Variants in REXO5 observed in about 807,000 individuals in gnomAD.
The protein encoded by REXO5 is exonuclease NEF-sp.
REXO5 carries 48 observed loss-of-function variants against 88.5 expected under a neutral mutation model. That is an observed-to-expected ratio of 0.54 (90% CI 0.43 to 0.69). The LOEUF (loss-of-function observed/expected upper bound fraction) is 0.69. Among genes scored for constraint, REXO5 ranks in the 30% least tolerant of loss-of-function variants. The pLI is 0.00. For synonymous variants in REXO5, 311 were observed against 336.5 expected (o/e 0.92, Z 0.83); for missense variants, 749 against 912.2 (o/e 0.82, Z 2.30).
At chr16:20,839,371 A>G (rs2152510900) in intron 13 of REXO5, among the ~76,000 whole-genome samples, 1 of 141,280 alleles carries the variant, frequency 7.1e-6, no homozygotes, top group South Asian at 2.2e-4. Flanking sequence ...ATGCCCCTTG[A>G]TTTTTTTTTT....
intron 13 of REXO5, among the ~76,000 whole-genome samples, chr16:20,835,868 C>T (rs557745373): frequency 8.6e-5 from 13 of 151,958 alleles, no homozygotes; most frequent in East Asian, 7.7e-4. Flanking sequence ...GGCAACATGG[C>T]GAAACACTGT....
intron 2 of REXO5, among the ~76,000 whole-genome samples, chr16:20,810,287 A>G (rs1007795906): frequency 2.6e-5 from 4 of 152,214 alleles, no homozygotes; most frequent in African/African-American, 7.2e-5. Flanking sequence ...AAGTGTATAC[A>G]CACACACATA....
rs1051237702 is a variant in REXO5, at chr16:20,828,646, G to A, written c.1158+109G>A. On this transcript the variant is annotated intron_variant, in intron 11 of 19. Transcript: ENST00000261377. ...TCTATTTTTATGAAAATGGCAGTGT[G>A]GGCCAGGTGCAGTGGCTCATGCCTG... 4.4e-5 allele frequency: 34 copies of A among 778,910 alleles called. No individual in the cohort carries two copies. The African/African-American group carries it at 4.8e-4, about 11-fold the overall frequency. 48.2% of individuals were successfully genotyped at this position (778,910 alleles called of 1,614,324 possible).
chr16:20,827,970 A>G (rs551698079), intron 10 of REXO5, among the ~76,000 whole-genome samples: 53 of 152,336 alleles, frequency 3.5e-4, no homozygotes, highest in African/African-American at 1.3e-3. Flanking sequence ...TATATGCCTC[A>G]ATATTTATAT....
chr16:20,815,424 A>G (rs563949619), intron 4 of REXO5, among the ~76,000 whole-genome samples: 6 of 152,340 alleles, frequency 3.9e-5, no homozygotes, highest in Non-Finnish European at 8.8e-5. Flanking sequence ...ATCTTTAAAA[A>G]GAGGCACCTG....
chr16:20,827,482 C>T (rs751910035), intron 10 of REXO5, 35 bp downstream of exon 10: 19 of 1,460,578 alleles, frequency 1.3e-5, no homozygotes, highest in Non-Finnish European at 1.5e-5. Context: ...ATTGTTCTGA[C>T]AAACTGCATA....
chr16:20,830,990 GTTTTTTTTTTTT>G (rs11337519), intron 11 of REXO5, among the ~76,000 whole-genome samples: 1 of 97,076 alleles, frequency 1.0e-5, no homozygotes, highest in Admixed American at 1.3e-4. Context: ...TTCTTTTTCT[GTTTTTTTTTTTT>G]TTTTTTTTTT....
chr16:20,848,708 G>C (rs2081648553), intron 19 of REXO5, among the ~76,000 whole-genome samples: 1 of 152,182 alleles, frequency 6.6e-6, no homozygotes, highest in African/African-American at 2.4e-5. Flanking sequence ...TTCATTACAA[G>C]GTGGCAGGGA....
chr16:20,814,444 G>A (rs898839485), intron 3 of REXO5, among the ~76,000 whole-genome samples: 5 of 152,108 alleles, frequency 3.3e-5, no homozygotes, highest in Admixed American at 3.3e-4. Context: ...GTTTCGCCAT[G>A]TTGCCCAGGT....
intron 5 of REXO5, 113 bp downstream of exon 5, chr16:20,816,325 A>T: frequency 6.0e-6 from 3 of 502,746 alleles, no homozygotes; most frequent in Admixed American, 3.9e-5. Context: ...CACAAAAACA[A>T]TTTTTTTTTT....
At chr16:20,830,482 CA>C (rs1227893870) in intron 11 of REXO5, among the ~76,000 whole-genome samples, 1 of 152,050 alleles carries the variant, frequency 6.6e-6, no homozygotes, top group Admixed American at 6.6e-5. Flanking sequence ...AGGCATGAGT[CA>C]CTGTGCCTGG....
At chr16:20,834,408 C>T (rs2081393130) in intron 13 of REXO5, among the ~76,000 whole-genome samples, 1 of 152,206 alleles carries the variant, frequency 6.6e-6, no homozygotes, top group African/African-American at 2.4e-5. Context: ...CCTGGGATTA[C>T]AGGTGTGAGC....
At chr16:20,807,576 C>A (rs2080910741) in intron 2 of REXO5, among the ~76,000 whole-genome samples, 2 of 126,842 alleles carry the variant, frequency 1.6e-5, no homozygotes, top group South Asian at 2.5e-4. Flanking sequence ...AGAAAGAAAT[C>A]ACGTCTCAGA....
At position 20,806,630 on chromosome 16, in the gene REXO5, G is replaced by A. The variant is rs1035718635; in HGVS notation, c.-78G>A. ...GGCGTGGGGAGTGGTTTTAGGCGGC[G>A]AAGCCGCTCGGCAGCACCTTCCTTC... is the stretch of plus-strand genomic sequence containing the variant. On this transcript the variant is annotated 5_prime_UTR_variant, in exon 1 of 20. Coordinates refer to ENST00000261377, the MANE Select transcript of REXO5 (RefSeq NM_030941.3). The A allele has an allele frequency of 3.1e-6, 4 of 1,295,770 alleles. No homozygotes were observed. The highest frequency in any genetic ancestry group is 2.1e-6 in the Non-Finnish European group (2 of 974,520). The allele number at this position is 1,295,770 out of a possible 1,614,324, so 80.3% of individuals were successfully genotyped here. A position where few individuals can be genotyped will look rare whatever the true frequency, so the allele number is the denominator to read the frequency against.
chr16:20,842,505 G>T (rs1186702392), intron 15 of REXO5, among the ~76,000 whole-genome samples: 6 of 149,396 alleles, frequency 4.0e-5, no homozygotes, highest in Non-Finnish European at 7.4e-5. Context: ...TTGAGATAGG[G>T]TCTTGCTCAC....
chr16:20,806,872 T>C (rs2080887703), intron 1 of REXO5, 80 bp from the exon 2 acceptor site: 2 of 1,507,588 alleles, frequency 1.3e-6, no homozygotes, highest in Admixed American at 4.4e-5. Context: ...CAAGCCCGTG[T>C]AGCTCTCCCG....
intron 3 of REXO5, 44 bp from the exon 4 acceptor site, chr16:20,814,883 T>C: frequency 6.3e-7 from 1 of 1,580,268 alleles, no homozygotes; most frequent in Non-Finnish European, 8.6e-7. Context: ...TGTAACTGAC[T>C]TAAGGCCATC....
chr16:20,828,484 G>T lies in REXO5; in HGVS notation c.1105G>T (p.Ala369Ser), dbSNP rs1469326969. The T allele has an allele frequency of 6.2e-7, 1 of 1,614,042 alleles. No individual in the cohort carries two copies. Residue 369 changes from alanine to serine, a missense_variant, in exon 11 of 20, where the codon GCT becomes TCT. Coordinates refer to ENST00000261377, the MANE Select transcript of REXO5 (RefSeq NM_030941.3). ...DRLGHDATED[A>S]RTILELARYF... is the part of the protein sequence containing the mutation. ...ACTTGGTCATGATGCCACAGAAGATGCTAGAACAATCCTTGAATTGGCTCG... is the reference window on the plus strand; with the variant it reads ...ACTTGGTCATGATGCCACAGAAGATTCTAGAACAATCCTTGAATTGGCTCG...
intron 8 of REXO5, among the ~76,000 whole-genome samples, chr16:20,826,375 A>G (rs2081260600): frequency 6.6e-6 from 1 of 152,268 alleles, no homozygotes; most frequent in African/African-American, 2.4e-5. Context: ...TGAAGCTGAA[A>G]ATGTTAGTCT....
Sources: gnomAD v4.1 joint callset for allele counts (sites outside exome capture counted in the v4.1 genomes callset) on GRCh38, gnomAD v4.1.1 for gene constraint, MANE v1.5 for transcripts, NCBI Gene and HGNC (gene_info 2026-07-23, HGNC 2026-07-21) for gene names.